SLC52A3: variants seen among roughly 807,000 people sequenced by gnomAD.
SLC52A3 encodes solute carrier family 52, riboflavin transporter, member 3.
SLC52A3 carries 20 observed loss-of-function variants against 29.5 expected under a neutral mutation model. The observed-to-expected ratio is 0.68, with a 90% CI of 0.48 to 0.99. SLC52A3 has a LOEUF of 0.99. SLC52A3 is among the 50% of genes least tolerant of loss of function. The pLI, the probability that SLC52A3 is intolerant of heterozygous loss-of-function variation, is 0.00. For missense variants in SLC52A3, 548 were observed against 612.9 expected, an observed-to-expected ratio of 0.89 and a Z score of 1.12; for synonymous variants, 301 against 271.0, an observed-to-expected ratio of 1.11 and a Z score of -1.09.
chr20:767,023 G>A (rs55689839), intron 1 of SLC52A3, among the ~76,000 whole-genome samples: 32,820 of 141,004 alleles, frequency 0.23, 4,220 homozygotes, highest in Middle Eastern at 0.33. Flanking sequence ...TATAGATTGC[G>A]ATCTTGTTGG....
chr20:773,890 C>T (rs1338452696), intron 1 of SLC52A3, among the ~76,000 whole-genome samples: 2 of 152,162 alleles, frequency 1.3e-5, no homozygotes, highest in African/African-American at 2.4e-5. Flanking sequence ...GGGCCATCTC[C>T]TCCAGGGAGC....
chr20:763,860 C>T lies in SLC52A3; in HGVS notation c.711G>A (p.Ala237=), dbSNP rs183391382. Residue 237 remains alanine (A), a synonymous_variant, in exon 3 of 5, where the codon GCG becomes GCA. Coordinates refer to ENST00000645534, the MANE Select transcript of SLC52A3 (RefSeq NM_033409.4). ...TGGGTTGACGCTGGAGGACAAAGAA[C>T]GCCACGAGGCAGCAGGCCATCATGA... ...LSIMMACCLV[A]FFVLQRQPRC... is the part of the protein sequence containing the mutation. 9.0e-5 allele frequency: 146 copies of T among 1,614,104 alleles called. No individual in the cohort carries two copies. The highest frequency in any genetic ancestry group is 3.9e-5 in the Non-Finnish European group (46 of 1,180,006).
intron 4 of SLC52A3, 90 bp downstream of exon 4, chr20:761,611 C>G (rs777023600): frequency 6.4e-7 from 1 of 1,573,006 alleles, no homozygotes; most frequent in African/African-American, 1.3e-5. Flanking sequence ...AGACCCCGCT[C>G]GCTGGAAAGG....
At chr20:764,991 AATC>A (rs2090550627) in intron 2 of SLC52A3, among the ~76,000 whole-genome samples, 1 of 152,202 alleles carries the variant, frequency 6.6e-6, no homozygotes, top group African/African-American at 2.4e-5. Flanking sequence ...TAGAAGCTGA[AATC>A]ATCTGGCCCT....
intron 4 of SLC52A3, chr20:761,473 G>A (rs540524405): frequency 4.1e-6 from 3 of 734,320 alleles, no homozygotes; most frequent in East Asian, 5.4e-5. Context: ...AAGGGCCCTT[G>A]AGAGAAGGCC....
intron 1 of SLC52A3, among the ~76,000 whole-genome samples, chr20:767,965 T>C (rs1408266879): frequency 6.6e-6 from 1 of 152,136 alleles, no homozygotes. Flanking sequence ...GAGCCAGCTG[T>C]TTGAGTTTGA....
rs546240059 is a variant in SLC52A3, at chr20:765,534, C to T, written c.241G>A (p.Val81Met). Residue 81 changes from valine to methionine, a missense_variant, in exon 2 of 5, where the codon GTG (valine) becomes ATG (methionine). Physicochemically the swap from Val to Met is conservative, Grantham distance 21 (BLOSUM62 1). Around this residue, in one of 2 missense-constraint regions of SLC52A3, gnomAD observed 375 missense variants for 471.1 expected, o/e 0.80. Coordinates refer to ENST00000645534, the MANE Select transcript of SLC52A3 (RefSeq NM_033409.4). The surrounding 1 kb of genome is among the most constrained non-coding windows in gnomAD (Gnocchi z 6.6). ...AAGATGATGCAGGTGACGGTTCCCA[C>T]GCCCAGCAGGGTGAAGATGATGGGC... Reference protein sequence around the residue: ...EVPIIFTLLGVGTVTCIIFAF... With the variant: ...EVPIIFTLLGMGTVTCIIFAF... 3.6e-4 allele frequency: 563 copies of T among 1,575,926 alleles called. 4 individuals carry two copies. In the South Asian group the frequency reaches 6.1e-3, roughly 17 times the overall value.
At chr20:774,691 C>CAGCCACCCATGCT (rs1398159106) in intron 1 of SLC52A3, among the ~76,000 whole-genome samples, 1 of 152,200 alleles carries the variant, frequency 6.6e-6, no homozygotes, top group Non-Finnish European at 1.5e-5. Flanking sequence ...CAGCCACCCT[C>CAGCCACCCATGCT]ACTGTTCACA....
upstream of SLC52A3, among the ~76,000 whole-genome samples, chr20:769,665 G>A (rs1383091131): frequency 1.3e-5 from 2 of 152,222 alleles, no homozygotes; most frequent in Admixed American, 1.3e-4. Context: ...GGGAGGATGA[G>A]GCGGGCGGAT....
At position 765,117 on chromosome 20, in the gene SLC52A3, G is replaced by T; in HGVS notation, c.567+91C>A. The stretch of plus-strand genomic sequence containing the variant: ...CAGTTTAACTCATAGGCCGACCAAA[G>T]AACCTAGAAGGATGGAGGTGAGCAG... On this transcript the variant is annotated intron_variant, in intron 2 of 4. Transcript: ENST00000645534. This position sits in a 1 kb window ranked among gnomAD's most constrained non-coding sequence, Gnocchi z 6.6. 2 of 1,445,940 alleles carry T rather than the reference G, an allele frequency of 1.4e-6. No homozygotes were observed. The highest frequency in any genetic ancestry group is 1.2e-5 in the South Asian group (1 of 86,008). 89.6% of individuals were successfully genotyped at this position (1,445,940 alleles called of 1,614,324 possible).
chr20:764,147 T>C (rs1017053094), intron 2 of SLC52A3, 144 bp from the exon 3 acceptor site: 2 of 970,564 alleles, frequency 2.1e-6, no homozygotes, highest in African/African-American at 1.6e-5. Context: ...GTGGCAATAA[T>C]GACTGCTCAT....
upstream of SLC52A3, among the ~76,000 whole-genome samples, chr20:778,785 G>T (rs565436994): frequency 6.6e-6 from 1 of 150,518 alleles, no homozygotes; most frequent in Admixed American, 6.6e-5. Context: ...GGAGTGCAGC[G>T]GCCAGGCTGG....
In SLC52A3 at chr20:763,477, T is replaced by A. The variant is rs73576869; in HGVS notation, c.1073+21A>T. ...GAAGTGTTCCCCCACTAGGATTCCCTAGGACCAGATGAGGGCACACCTGTT... is the reference window on the plus strand; with the variant it reads ...GAAGTGTTCCCCCACTAGGATTCCCAAGGACCAGATGAGGGCACACCTGTT... On this transcript the variant is annotated intron_variant, in intron 3 of 4. Coordinates refer to ENST00000645534, the MANE Select transcript of SLC52A3 (RefSeq NM_033409.4). The A allele has an allele frequency of 0.013, 21,431 of 1,613,696 alleles. 1,161 individuals carry two copies. The East Asian group carries it at 0.2, about 15-fold the overall frequency.
upstream of SLC52A3, among the ~76,000 whole-genome samples, chr20:773,150 A>G (rs545347371): frequency 4.6e-5 from 7 of 152,258 alleles, no homozygotes; most frequent in African/African-American, 1.7e-4. Flanking sequence ...GGCTGTTGTG[A>G]GGAGAAACAT....
intron 2 of SLC52A3, 120 bp from the exon 3 acceptor site, chr20:764,123 A>C: frequency 9.1e-7 from 1 of 1,094,616 alleles, no homozygotes; most frequent in Non-Finnish European, 1.3e-6. Context: ...GAATAAATAA[A>C]CATAACTAAC....
Position 760,832 on chromosome 20 carries a change from G to A in SLC52A3, c.*194C>T, listed in dbSNP as rs1986432717. 3 of 611,756 alleles carry A rather than the reference G, an allele frequency of 4.9e-6. No homozygotes were observed. In the South Asian group the frequency reaches 5.9e-5, roughly 12 times the overall value. 37.9% of individuals were successfully genotyped at this position (611,756 alleles called of 1,614,324 possible). The stretch of plus-strand genomic sequence containing the variant: ...ATCTGAGCTGGTCGTCACAGGTAGT[G>A]TGACACAGAGTTGGGGATAGAGCCG... On this transcript the variant is annotated 3_prime_UTR_variant, in exon 5 of 5. Coordinates refer to ENST00000645534, the MANE Select transcript of SLC52A3 (RefSeq NM_033409.4). This position sits in a 1 kb window ranked among gnomAD's most constrained non-coding sequence, Gnocchi z 4.9.
chr20:777,766 G>A (rs528792687), upstream of SLC52A3, among the ~76,000 whole-genome samples: 6 of 152,224 alleles, frequency 3.9e-5, 1 homozygote, highest in Admixed American at 3.9e-4. Flanking sequence ...AGGAAGTGTT[G>A]CCACTGTTGG....
chr20:763,654 A>C lies in SLC52A3; in HGVS notation c.917T>G (p.Leu306Arg). 1 of 1,614,136 alleles carries C rather than the reference A, an allele frequency of 6.2e-7. No individual in the cohort carries two copies. Among genetic ancestry groups the C allele is most frequent in the Non-Finnish European group, 8.5e-7 (1 of 1,179,998 alleles). The change falls in exon 3 of 5, where the codon CTG becomes CGG. Residue 306 changes from leucine to arginine, a missense_variant. Leu to Arg is a moderately radical substitution (Grantham distance 102). Transcript: ENST00000645534. The part of the protein sequence containing the change: ...CPAHLAFIYT[L>R]VAFVNALTNG... Reference sequence around the variant, plus strand: ...GGTGAGCGCGTTGACGAAGGCCACCAGGGTATAGATGAAGGCCAGGTGCGC... The same window carrying C: ...GGTGAGCGCGTTGACGAAGGCCACCCGGGTATAGATGAAGGCCAGGTGCGC...
rs566920080 is a variant in SLC52A3, at chr20:761,687, G to A, written c.1197+14C>T. The A allele has an allele frequency of 6.8e-6, 11 of 1,613,244 alleles. No individual in the cohort carries two copies. Among genetic ancestry groups the A allele is most frequent in the East Asian group, 4.5e-5 (2 of 44,864 alleles). On this transcript the variant is annotated intron_variant, in intron 4 of 4. Coordinates refer to ENST00000645534, the MANE Select transcript of SLC52A3 (RefSeq NM_033409.4). ...GGTACGCAGCGGGAGCAGCCCCACC[G>A]GCCGGATACTCACAATGAGGACTTC...
Sources: gnomAD v4.1 joint callset for allele counts (sites outside exome capture counted in the v4.1 genomes callset) on GRCh38, gnomAD v4.1.1 for gene constraint, gnomAD v4.1.1 regional missense constraint, Gnocchi (gnomAD v3.1) non-coding constraint, MANE v1.5 for transcripts, NCBI Gene and HGNC (gene_info 2026-07-23, HGNC 2026-07-21) for gene names.